Variants in ANK2 observed in about 807,000 individuals in gnomAD.
The protein encoded by ANK2 is ankyrin-2.
A neutral mutation model predicts 360.5 loss-of-function variants in ANK2; 83 were observed. The observed-to-expected ratio is 0.23, with a 90% CI of 0.19 to 0.28. The LOEUF (loss-of-function observed/expected upper bound fraction) is 0.28. ANK2 is among the 10% of genes least tolerant of loss of function. The pLI is 1.00. For missense variants in ANK2, 4,201 were observed against 4,795.7 expected (o/e 0.88, Z 3.66); for synonymous variants, 1,740 against 1,759.5 (o/e 0.99, Z 0.28).
the ANK2 span, among the ~76,000 whole-genome samples, chr4:112,795,031 C>G: frequency 6.6e-6 from 1 of 152,178 alleles, no homozygotes; most frequent in African/African-American, 2.4e-5. Flanking sequence ...GTACATGCTG[C>G]ATAATTTTTA....
At chr4:113,186,240 C>T (rs760981024) in intron 2 of ANK2, among the ~76,000 whole-genome samples, 2 of 152,226 alleles carry the variant, frequency 1.3e-5, no homozygotes, top group African/African-American at 2.4e-5. Context: ...GCAGCCTCTG[C>T]TGGTGATACC....
chr4:113,284,631 C>T (rs1294565163), intron 18 of ANK2, among the ~76,000 whole-genome samples: 1 of 152,118 alleles, frequency 6.6e-6, no homozygotes, highest in Non-Finnish European at 1.5e-5. Flanking sequence ...TGAAGAAAAA[C>T]ATTCAATTTT....
At chr4:113,077,829 A>C (rs2080755594) in intron 1 of ANK2, among the ~76,000 whole-genome samples, 1 of 152,248 alleles carries the variant, frequency 6.6e-6, no homozygotes, top group Non-Finnish European at 1.5e-5. Context: ...CCTGAGCCCA[A>C]GCTTCTGAAG....
rs767815065 is a variant in ANK2 at position 113,369,637 on chromosome 4, C to G, written c.11442C>G (p.Thr3814=). ...PAEEEKLYLQ[T]PTSSERGGSP... ...AGGAGGAGAAGCTGTACCTCCAGAC[C>G]CCAACATCCAGCGAGCGGGGAGGCT... The change falls in exon 43 of 46, where the codon ACC becomes ACG. Residue 3814 remains threonine, a synonymous_variant. Coordinates refer to ENST00000357077, the MANE Select transcript of ANK2 (RefSeq NM_001148.6). The G allele has an allele frequency of 6.2e-7, 1 of 1,614,084 alleles. No individual in the cohort carries two copies. The highest frequency in any genetic ancestry group is 8.5e-7 in the Non-Finnish European group (1 of 1,180,022).
chr4:113,341,368 T>C (rs535648095), intron 32 of ANK2, among the ~76,000 whole-genome samples: 1 of 152,346 alleles, frequency 6.6e-6, no homozygotes, highest in Admixed American at 6.5e-5. Flanking sequence ...AAACACTAAA[T>C]ATATAGTTCA....
intron 32 of ANK2, among the ~76,000 whole-genome samples, chr4:113,340,771 T>TA (rs959655706): frequency 2.0e-4 from 28 of 142,806 alleles, no homozygotes; most frequent in Admixed American, 5.0e-4. Flanking sequence ...CAACACTTTA[T>TA]AAAAGGTCTT....
intron 2 of ANK2, among the ~76,000 whole-genome samples, chr4:113,018,042 C>T (rs959319555): frequency 5.3e-5 from 8 of 152,288 alleles, no homozygotes; most frequent in African/African-American, 1.2e-4. Flanking sequence ...GGGAATTCAT[C>T]GCAATTTTTG....
At chr4:113,293,199 G>A (rs2068787972) in intron 21 of ANK2, 1 of 649,514 alleles carries the variant, frequency 1.5e-6, no homozygotes, top group Admixed American at 2.1e-5. Flanking sequence ...AGCGTCAAGT[G>A]CTTCTTATTA....
Position 113,174,812 on chromosome 4 carries a change from T to C in ANK2, c.186+295T>C, listed in dbSNP as rs1454958116. Reference sequence around the variant, plus strand: ...TTGACCAAGAATGATGTTTTACTTCTCATTTATCATCTAGTAATCCAGATC... The same window carrying C: ...TTGACCAAGAATGATGTTTTACTTCCCATTTATCATCTAGTAATCCAGATC... On this transcript the variant is annotated intron_variant, in intron 2 of 45. Coordinates refer to ENST00000357077, the MANE Select transcript of ANK2 (RefSeq NM_001148.6). 2.6e-5 allele frequency among the ~76,000 whole-genome samples: 4 copies of C among 152,208 alleles called. No individual in the cohort carries two copies. The East Asian group carries it at 5.8e-4, about 22-fold the overall frequency.
Position 113,263,101 on chromosome 4 carries a change from T to A in ANK2, c.1387-1796T>A, listed in dbSNP as rs533005101. ...TACTTGGGAGGCTGAGGCAGGAGAA[T>A]CTATTGAACCCGGGAGGCTGAGGCT... On this transcript the variant is annotated intron_variant, in intron 13 of 45. Transcript: ENST00000357077. Among the ~76,000 whole-genome samples, 4 of 147,082 alleles carry A rather than the reference T, an allele frequency of 2.7e-5. No individual in the cohort carries two copies. The South Asian group carries it at 8.5e-4, about 31-fold the overall frequency.
rs1273089134 is a variant in ANK2, at chr4:113,356,107, G to C, written c.7489G>C (p.Glu2497Gln). The C allele has an allele frequency of 1.9e-6, 3 of 1,613,968 alleles. No homozygotes were observed. The highest frequency in any genetic ancestry group is 2.5e-6 in the Non-Finnish European group (3 of 1,180,002). ...FPLPAAVAKT[E>Q]LLTEVASVRS... is the part of the protein sequence containing the mutation. ...TCTTCCTGCAGCTGTTGCCAAAACA[G>C]AACTCTTGACGGAAGTGGCCTCTGT... The change falls in exon 38 of 46, where the codon GAA becomes CAA. Residue 2497 changes from glutamate to glutamine, a missense_variant. Around this residue, in one of 4 missense-constraint regions of ANK2, gnomAD observed 2,642 missense variants for 2,714.5 expected, o/e 0.97. Coordinates refer to ENST00000357077, the MANE Select transcript of ANK2 (RefSeq NM_001148.6).
At chr4:112,725,326 C>G in the ANK2 span, among the ~76,000 whole-genome samples, 2 of 141,042 alleles carry the variant, frequency 1.4e-5, no homozygotes, top group Non-Finnish European at 3.0e-5. Context: ...CTAACACATG[C>G]TACAACATGG....
chr4:113,344,285 T>G (rs1270536090), intron 34 of ANK2, among the ~76,000 whole-genome samples: 2 of 152,116 alleles, frequency 1.3e-5, no homozygotes. Context: ...TCAATAAGCA[T>G]ATGAAGAGAT....
chr4:112,997,774 CAT>C (rs2049110380), intron 2 of ANK2, among the ~76,000 whole-genome samples: 3 of 151,454 alleles, frequency 2.0e-5, no homozygotes, highest in African/African-American at 7.3e-5. Context: ...CATATATACA[CAT>C]GTATACAAAT....
chr4:113,271,474 G>A (rs202226520), intron 14 of ANK2, among the ~76,000 whole-genome samples: 2 of 79,560 alleles, frequency 2.5e-5, no homozygotes, highest in Admixed American at 1.1e-4. Flanking sequence ...GCACATGCAC[G>A]CACAGACACA....
chr4:113,133,793 C>T (rs576036374), intron 1 of ANK2, among the ~76,000 whole-genome samples: 7 of 152,002 alleles, frequency 4.6e-5, no homozygotes, highest in Admixed American at 3.3e-4. Flanking sequence ...TCCCTTTTGT[C>T]CAATGGAAAA....
chr4:112,811,625 T>A, the ANK2 span, among the ~76,000 whole-genome samples: 1 of 152,208 alleles, frequency 6.6e-6, no homozygotes, highest in Non-Finnish European at 1.5e-5. Context: ...AGTGCCTTTA[T>A]CAACCTTATA....
chr4:113,137,458 A>G (rs567202631), intron 1 of ANK2, among the ~76,000 whole-genome samples: 1 of 152,336 alleles, frequency 6.6e-6, no homozygotes, highest in African/African-American at 2.4e-5. Flanking sequence ...GGCCAGGAGC[A>G]GGTTTGAGTA....
upstream of ANK2, among the ~76,000 whole-genome samples, chr4:113,044,933 A>G (rs1048485100): frequency 4.6e-5 from 7 of 152,258 alleles, no homozygotes; most frequent in South Asian, 2.1e-4. Context: ...GGTGTCCCCT[A>G]TTGGATCTTT....
Sources: gnomAD v4.1 joint callset for allele counts (sites outside exome capture counted in the v4.1 genomes callset) on GRCh38, gnomAD v4.1.1 for gene constraint, gnomAD v4.1.1 regional missense constraint, MANE v1.5 for transcripts, NCBI Gene and HGNC (gene_info 2026-07-23, HGNC 2026-07-21) for gene names.